NAA25: variants seen among roughly 807,000 people sequenced by gnomAD.
NAA25 encodes N-terminal acetyltransferase B complex subunit NAA25.
A neutral mutation model predicts 132.5 loss-of-function variants in NAA25; 30 were observed. The observed-to-expected ratio is 0.23, with a 90% CI of 0.17 to 0.31. The LOEUF (loss-of-function observed/expected upper bound fraction) is 0.31. NAA25 is among the 10% of genes least tolerant of loss of function. NAA25 has a pLI of 1.00. For synonymous variants in NAA25, 359 were observed against 401.9 expected, an observed-to-expected ratio of 0.89 and a Z score of 1.28; for missense variants, 771 against 1,150.4, an observed-to-expected ratio of 0.67 and a Z score of 4.77.
chr12:112,042,274 AAAGG>A (rs2078310885), intron 19 of NAA25, 170 bp from the exon 20 acceptor site: 13 of 347,218 alleles, frequency 3.7e-5, no homozygotes, highest in Non-Finnish European at 6.7e-5. Context: ...AATGAAAGGA[AAAGG>A]AAGAATAAAA....
In NAA25 at chr12:112,049,745, T is replaced by A. The variant is rs982568896; in HGVS notation, c.1729-1302A>T. ...GATTAAAGGACAGTGATACACCCTA[T>A]CAAGAGGAGGCCAGGATACTCTAAA... On this transcript the variant is annotated intron_variant, in intron 15 of 23. Transcript: ENST00000261745. The surrounding 1 kb of genome is among the most constrained non-coding windows in gnomAD (Gnocchi z 4.7). 6 of 571,390 alleles carry A rather than the reference T, an allele frequency of 1.1e-5. No individual in the cohort carries two copies. The highest frequency in any genetic ancestry group is 1.3e-5 in the Non-Finnish European group (6 of 452,054). The allele number at this position is 571,390 out of a possible 1,614,324, so 35.4% of individuals were successfully genotyped here.
At chr12:112,076,142 C>T (rs1015802724) in intron 7 of NAA25, among the ~76,000 whole-genome samples, 3 of 152,146 alleles carry the variant, frequency 2.0e-5, no homozygotes, top group Non-Finnish European at 4.4e-5. Context: ...CCCAGCCTCC[C>T]AGAGTGCTGG....
At chr12:112,031,655 A>C (rs2078152028) in intron 23 of NAA25, among the ~76,000 whole-genome samples, 1 of 152,028 alleles carries the variant, frequency 6.6e-6, no homozygotes, top group African/African-American at 2.4e-5. Flanking sequence ...CTTTTAACAT[A>C]AACAACCACT....
chr12:112,078,775 C>T (rs760699074), intron 5 of NAA25, 34 bp from the exon 6 acceptor site: 4 of 1,536,678 alleles, frequency 2.6e-6, no homozygotes, highest in Admixed American at 3.4e-5. Flanking sequence ...CATTCTAATT[C>T]TCCCCTGCTT....
chr12:112,081,546 T>C (rs184523454), intron 4 of NAA25, among the ~76,000 whole-genome samples: 1 of 152,302 alleles, frequency 6.6e-6, no homozygotes, highest in Admixed American at 6.5e-5. Context: ...TCAGAAAAGA[T>C]TACCATGCCA....
In NAA25 at chr12:112,029,670, A is replaced by T; in HGVS notation, c.2797-17T>A. Reference sequence around the variant, plus strand: ...TCTCTCTTCCTATAAAGGAGGAGACAAGAATAATTAGTCTTGTTTAAAAAC... The same window carrying T: ...TCTCTCTTCCTATAAAGGAGGAGACTAGAATAATTAGTCTTGTTTAAAAAC... On this transcript the variant is annotated splice_polypyrimidine_tract_variant and intron_variant, in intron 23 of 23. Coordinates refer to ENST00000261745, the MANE Select transcript of NAA25 (RefSeq NM_024953.4). The T allele has an allele frequency of 6.2e-7, 1 of 1,608,266 alleles. No individual in the cohort carries two copies. The highest frequency in any genetic ancestry group is 8.5e-7 in the Non-Finnish European group (1 of 1,178,644).
intron 11 of NAA25, among the ~76,000 whole-genome samples, chr12:112,065,029 G>T (rs1282489528): frequency 6.6e-6 from 1 of 150,888 alleles, no homozygotes; most frequent in Non-Finnish European, 1.5e-5. Flanking sequence ...AGCGAAACTT[G>T]TCTCAAAAAA....
chr12:112,089,480 G>T (rs2079101232), intron 3 of NAA25, among the ~76,000 whole-genome samples: 1 of 152,096 alleles, frequency 6.6e-6, no homozygotes, highest in African/African-American at 2.4e-5. Flanking sequence ...ATATTTTGTG[G>T]TAGTGAAAAT....
rs1973825 is a variant in NAA25, at chr12:112,042,516, T to A, written c.2375-412A>T. On this transcript the variant is annotated intron_variant, in intron 19 of 23. Transcript: ENST00000261745. ...TTAGTGCTTCTTATTTTTATTTTTT[T>A]TTTTTTTTGAGACAAAGTCTCGCTC... Among the ~76,000 whole-genome samples, 9,249 of 151,950 alleles carry A rather than the reference T, an allele frequency of 0.061. 1,360 individuals carry two copies. In the East Asian group the frequency reaches 0.61, roughly 10 times the overall value.
At chr12:112,033,070 A>C (rs886988023) in intron 23 of NAA25, among the ~76,000 whole-genome samples, 163 bp downstream of exon 23, 2 of 152,238 alleles carry the variant, frequency 1.3e-5, no homozygotes, top group Admixed American at 6.5e-5. Flanking sequence ...CCTACCACCA[A>C]CAACACAACA....
chr12:112,068,724 G>C (rs1566016558), intron 11 of NAA25, among the ~76,000 whole-genome samples, 156 bp downstream of exon 11: 1 of 152,182 alleles, frequency 6.6e-6, no homozygotes, highest in African/African-American at 2.4e-5. Context: ...TGCCTTCAGT[G>C]TTGTAACACA....
At position 112,039,225 on chromosome 12, in the gene NAA25, T is replaced by G; in HGVS notation, c.2649+4A>C. 6.5e-7 allele frequency: 1 copy of G among 1,535,074 alleles called. No homozygotes were observed. Among genetic ancestry groups the G allele is most frequent in the Non-Finnish European group, 8.9e-7 (1 of 1,118,726 alleles). On this transcript the variant is annotated splice_donor_region_variant and intron_variant, in intron 22 of 23. Transcript: ENST00000261745. ...TTGTATATCACTTGTGTTACTGTTA[T>G]TACCATGATGATGCTGGTTTCTTTT...
rs2078107479 is a variant in NAA25 at position 112,028,330 on chromosome 12, C to A, written c.*1201G>T. The A allele has an allele frequency of 6.6e-6, 1 of 152,520 alleles. No individual in the cohort carries two copies. Among genetic ancestry groups the A allele is most frequent in the Non-Finnish European group, 1.5e-5 (1 of 68,020 alleles). 9.4% of individuals were successfully genotyped at this position (152,520 alleles called of 1,614,324 possible). ...AAACAGAAAAATATTATCAAAGAAA[C>A]TGCATAAATTGTAGGACATTTTCAA... On this transcript the variant is annotated 3_prime_UTR_variant, in exon 24 of 24. Transcript: ENST00000261745.
chr12:112,092,967 T>G, intron 2 of NAA25, 84 bp downstream of exon 2: 1 of 920,472 alleles, frequency 1.1e-6, no homozygotes, highest in Non-Finnish European at 1.7e-6. Flanking sequence ...TGAGCCACCA[T>G]GCCCGGCCCT....
intron 17 of NAA25, 112 bp from the exon 18 acceptor site, chr12:112,043,980 T>A: frequency 9.2e-7 from 1 of 1,088,746 alleles, no homozygotes; most frequent in Non-Finnish European, 1.3e-6. Flanking sequence ...CAGGCTGGAG[T>A]GCAGTGGCAC....
intron 5 of NAA25, among the ~76,000 whole-genome samples, chr12:112,080,583 C>T (rs2078960067): frequency 6.6e-6 from 1 of 151,940 alleles, no homozygotes; most frequent in Admixed American, 6.6e-5. Flanking sequence ...TCACTGAAAC[C>T]TCCGCCTCCT....
chr12:112,069,848 C>T (rs1474430333), intron 10 of NAA25, among the ~76,000 whole-genome samples: 1 of 150,956 alleles, frequency 6.6e-6, no homozygotes, highest in African/African-American at 2.4e-5. Flanking sequence ...GTAAGCTAGG[C>T]CGGGTGCAGT....
At chr12:112,037,275 CATATATATATATATATATATATAT>C (rs57810657) in intron 22 of NAA25, among the ~76,000 whole-genome samples, 95 of 65,190 alleles carry the variant, frequency 1.5e-3, no homozygotes, top group East Asian at 2.0e-3. Context: ...TTAAAAAATA[CATATATATATATATATATATATAT>C]ATATATATAT....
At chr12:112,042,797 G>A (rs965199398) in intron 19 of NAA25, among the ~76,000 whole-genome samples, 5 of 152,338 alleles carry the variant, frequency 3.3e-5, no homozygotes, top group South Asian at 2.1e-4. Context: ...GTGAGCCACT[G>A]CGCCCAGCCT....
Sources: allele counts gnomAD v4.1 joint callset (sites outside exome capture counted in the v4.1 genomes callset), GRCh38; gene constraint gnomAD v4.1.1; non-coding constraint Gnocchi (gnomAD v3.1); transcripts MANE v1.5; gene names NCBI Gene and HGNC (gene_info 2026-07-23, HGNC 2026-07-21).